The following SEC24C variants were observed in gnomAD, a reference collection of about 807,000 sequenced individuals.
The protein encoded by SEC24C is protein transport protein Sec24C.
SEC24C carries 22 observed loss-of-function variants against 117.0 expected under a neutral mutation model. That is an observed-to-expected ratio of 0.19 (90% CI 0.13 to 0.27). The LOEUF (loss-of-function observed/expected upper bound fraction) is 0.27. SEC24C is among the 10% of genes least tolerant of loss of function. The pLI, the probability that SEC24C is intolerant of heterozygous loss-of-function variation, is 1.00. For missense variants in SEC24C, 1,155 were observed against 1,375.1 expected (o/e 0.84, Z 2.53); for synonymous variants, 506 against 529.4 (o/e 0.96, Z 0.61).
Position 73,760,800 on chromosome 10 carries a change from C to G in SEC24C, c.938C>G (p.Pro313Arg). 6.2e-7 allele frequency: 1 copy of G among 1,614,144 alleles called. No individual in the cohort carries two copies. Among genetic ancestry groups the G allele is most frequent in the South Asian group, 1.1e-5 (1 of 91,074 alleles). Reference sequence around the variant, plus strand: ...ACCTTTGGCAGTCAGCCTGGGCCTCCTCAGCCACTGCCTCCTAAGCGCCTG... The same window carrying G: ...ACCTTTGGCAGTCAGCCTGGGCCTCGTCAGCCACTGCCTCCTAAGCGCCTG... ...APTFGSQPGPPQPLPPKRLDP... is the reference protein window; with the variant it reads ...APTFGSQPGPRQPLPPKRLDP... Residue 313 changes from proline to arginine, a missense_variant, in exon 6 of 23, where the codon CCT (proline) becomes CGT (arginine). Around this residue, in one of 2 missense-constraint regions of SEC24C, gnomAD observed 759 missense variants for 992.3 expected, o/e 0.76. Coordinates refer to ENST00000345254, the MANE Select transcript of SEC24C (RefSeq NM_198597.3).
At chr10:73,751,633 TG>T (rs890208125) in intron 3 of SEC24C, 7 of 152,628 alleles carry the variant, frequency 4.6e-5, no homozygotes, top group African/African-American at 1.7e-4. Context: ...TGTTTTGTTT[TG>T]TTTTTTTTCT....
chr10:73,763,905 C>T lies in SEC24C; in HGVS notation c.1149C>T (p.Cys383=), dbSNP rs760890246. ...YIRCTSYNIP[C]TSDMAKQAQV... is the part of the protein sequence containing the mutation. ...GATGTACATCCTATAATATCCCTTGCACATCTGACATGGCTAAGCAGGCTC... is the reference window on the plus strand; with the variant it reads ...GATGTACATCCTATAATATCCCTTGTACATCTGACATGGCTAAGCAGGCTC... Residue 383 remains cysteine, a synonymous_variant, in exon 8 of 23, where the codon TGC becomes TGT. Coordinates refer to ENST00000345254, the MANE Select transcript of SEC24C (RefSeq NM_198597.3). 1.7e-5 allele frequency: 27 copies of T among 1,613,696 alleles called. No homozygotes were observed. Among genetic ancestry groups the T allele is most frequent in the Non-Finnish European group, 2.3e-5 (27 of 1,179,926 alleles).
intron 2 of SEC24C, among the ~76,000 whole-genome samples, chr10:73,749,666 C>T (rs781315480): frequency 6.6e-6 from 1 of 151,894 alleles, no homozygotes; most frequent in Non-Finnish European, 1.5e-5. Context: ...GTCTCAGCCT[C>T]CCGAATAGCT....
Position 73,770,818 on chromosome 10 carries a change from T to C in SEC24C, c.3144+20T>C. On this transcript the variant is annotated intron_variant, in intron 22 of 22. Transcript: ENST00000345254. ...ATGAAGGTAACACTGATCTGAACCC[T>C]GGATTTCTTACCTTGTCAAGTCCTC... 6.2e-7 allele frequency: 1 copy of C among 1,613,584 alleles called. No individual in the cohort carries two copies. The highest frequency in any genetic ancestry group is 2.2e-5 in the East Asian group (1 of 44,874).
At chr10:73,755,114 C>T (rs1253594131) in intron 3 of SEC24C, among the ~76,000 whole-genome samples, 1 of 151,510 alleles carries the variant, frequency 6.6e-6, no homozygotes, top group African/African-American at 2.4e-5. Flanking sequence ...ACCTGAATGA[C>T]AGAGTAAGAC....
chr10:73,748,870 G>A (rs1271350970), intron 2 of SEC24C, among the ~76,000 whole-genome samples: 2 of 151,800 alleles, frequency 1.3e-5, no homozygotes, highest in East Asian at 1.9e-4. Flanking sequence ...AGCCTCCTGA[G>A]TAGCTGGGAT....
intron 6 of SEC24C, chr10:73,762,067 C>T (rs748716227): frequency 7.8e-7 from 1 of 1,277,340 alleles, no homozygotes; most frequent in South Asian, 1.2e-5. Flanking sequence ...CTTGTATTCC[C>T]CTGCTGCATT....
intron 3 of SEC24C, among the ~76,000 whole-genome samples, chr10:73,754,068 C>T (rs2082678356): frequency 6.6e-6 from 1 of 152,050 alleles, no homozygotes; most frequent in Non-Finnish European, 1.5e-5. Flanking sequence ...AGATTGGACA[C>T]CCCTGATTTA....
chr10:73,763,556 C>A lies in SEC24C; in HGVS notation c.1054C>A (p.Gln352Lys). ...TEPFVTGVRGQVPPLVTTNFL... is the reference protein window; with the variant it reads ...TEPFVTGVRGKVPPLVTTNFL... ...GCCATTTGTTACTGGAGTACGGGGC[C>A]AGGTGCCACCCTTAGTCACTACCAA... is the stretch of plus-strand genomic sequence containing the variant. Residue 352 changes from glutamine (Q) to lysine (K), a missense_variant, in exon 7 of 23, where the codon CAG becomes AAG. By Grantham distance (53) the Gln-to-Lys change is moderately conservative (BLOSUM62 1). Coordinates refer to ENST00000345254, the MANE Select transcript of SEC24C (RefSeq NM_198597.3). The A allele has an allele frequency of 6.2e-7, 1 of 1,612,704 alleles. No individual in the cohort carries two copies.
intron 3 of SEC24C, among the ~76,000 whole-genome samples, chr10:73,753,879 T>G (rs1565037608): frequency 6.6e-6 from 1 of 152,212 alleles, no homozygotes; most frequent in Non-Finnish European, 1.5e-5. Context: ...GTCCAACTTG[T>G]GGCCCACAGT....
At chr10:73,767,733 A>C (rs575437238) in intron 14 of SEC24C, 104 bp from the exon 15 acceptor site, 446 of 862,374 alleles carry the variant, frequency 5.2e-4, no homozygotes, top group Middle Eastern at 1.3e-3. Flanking sequence ...GTAGATCTGA[A>C]GTCTTCCATG....
intron 16 of SEC24C, 22 bp from the exon 17 acceptor site, chr10:73,768,985 G>T: frequency 6.2e-7 from 1 of 1,614,190 alleles, no homozygotes; most frequent in South Asian, 1.1e-5. Flanking sequence ...TTTTTGCCCT[G>T]ACCCTGTCCA....
chr10:73,758,550 T>G (rs1432653969), intron 3 of SEC24C, among the ~76,000 whole-genome samples: 1 of 152,216 alleles, frequency 6.6e-6, no homozygotes. Context: ...TACCCCTGTT[T>G]AGCTATTCCC....
Position 73,768,909 on chromosome 10 carries a change from C to A in SEC24C, c.2278+3C>A. 1 of 1,614,136 alleles carries A rather than the reference C, an allele frequency of 6.2e-7. No homozygotes were observed. Among genetic ancestry groups the A allele is most frequent in the South Asian group, 1.1e-5 (1 of 91,040 alleles). On this transcript the variant is annotated splice_donor_region_variant and intron_variant, in intron 16 of 22. Transcript: ENST00000345254. ...GATGCGGGTCCGGACAAGCACTGGT[C>A]AGTCCTGATTGAAGAGCAGGTTGGG...
At chr10:73,763,698 T>TA in intron 7 of SEC24C, 97 bp downstream of exon 7, 1 of 747,222 alleles carries the variant, frequency 1.3e-6, no homozygotes, top group Non-Finnish European at 1.9e-6. Flanking sequence ...TTTTTTTTTT[T>TA]TAGTTTTTAA....
intron 8 of SEC24C, 37 bp downstream of exon 8, chr10:73,764,020 AG>A: frequency 1.3e-6 from 2 of 1,550,240 alleles, no homozygotes; most frequent in Non-Finnish European, 1.7e-6. Context: ...AATGAAAGGG[AG>A]GGAGGTAGAG....
intron 3 of SEC24C, among the ~76,000 whole-genome samples, chr10:73,753,072 CAG>C (rs2082664048): frequency 6.6e-6 from 1 of 151,852 alleles, no homozygotes; most frequent in South Asian, 2.1e-4. Flanking sequence ...TTTTTTGAGA[CAG>C]AGTCCTGCCC....
At position 73,770,951 on chromosome 10, in the gene SEC24C, G is replaced by A. The variant is rs143818883; in HGVS notation, c.3145-4G>A. 1,170 of 1,614,162 alleles carry A rather than the reference G, an allele frequency of 7.2e-4. 4 individuals are homozygous for A. The African/African-American group carries it at 0.014, about 19-fold the overall frequency. On this transcript the variant is annotated splice_polypyrimidine_tract_variant and splice_region_variant and intron_variant, in intron 22 of 22. Coordinates refer to ENST00000345254, the MANE Select transcript of SEC24C (RefSeq NM_198597.3). ...GCCTTATGAACCCTGAATTCTGGCC[G>A]TAGCTTACCGTGGTGAAACAGGAAG...
Position 73,763,994 on chromosome 10 carries a change from G to GA in SEC24C, c.1227+13dup. ...CTGCCCCCAGAGGAGGTGAGTCAGGGAAGGGGCTAGAGTGTAATGAAAGGG... is the reference window on the plus strand; with the variant it reads ...CTGCCCCCAGAGGAGGTGAGTCAGGGAAAGGGGCTAGAGTGTAATGAAAGGG... On this transcript the variant is annotated intron_variant, in intron 8 of 22. Transcript: ENST00000345254. The GA allele has an allele frequency of 1.2e-5, 19 of 1,568,518 alleles. No homozygotes were observed. Among genetic ancestry groups the GA allele is most frequent in the Non-Finnish European group, 1.6e-5 (19 of 1,154,174 alleles).
Sources: gnomAD v4.1 joint callset for allele counts (sites outside exome capture counted in the v4.1 genomes callset) on GRCh38, gnomAD v4.1.1 for gene constraint, gnomAD v4.1.1 regional missense constraint, MANE v1.5 for transcripts, NCBI Gene and HGNC (gene_info 2026-07-23, HGNC 2026-07-21) for gene names.